Variants in BRF1 observed in about 807,000 individuals in gnomAD.
BRF1 encodes the protein BRF1 general transcription factor IIIB subunit.
In BRF1, 59 loss-of-function variants were observed where a neutral mutation model predicts 81.7. The observed-to-expected ratio is 0.72, with a 90% CI of 0.59 to 0.90. The LOEUF is 0.90. BRF1 is among the 40% of genes least tolerant of loss of function. The pLI is 0.00. For missense variants in BRF1, 1,050 were observed against 936.3 expected (o/e 1.12, Z -1.58); for synonymous variants, 491 against 395.6 (o/e 1.24, Z -2.86).
chr14:105,214,632 G>A (rs587715484), intron 15 of BRF1, among the ~76,000 whole-genome samples: 8 of 151,764 alleles, frequency 5.3e-5, no homozygotes, highest in Admixed American at 2.6e-4. Context: ...GGTGGCCAGA[G>A]GGAGATGGGC....
chr14:105,305,665 C>G (rs2058166000), upstream of BRF1, among the ~76,000 whole-genome samples: 1 of 152,200 alleles, frequency 6.6e-6, no homozygotes, highest in South Asian at 2.1e-4. Flanking sequence ...AAGAATGGAG[C>G]CAGGTTAGAG....
chr14:105,298,456 A>G (rs948518907), intron 1 of BRF1, among the ~76,000 whole-genome samples: 6 of 152,220 alleles, frequency 3.9e-5, no homozygotes, highest in African/African-American at 1.4e-4. Flanking sequence ...CAGCCGAGGG[A>G]GCAAAGGCCT....
chr14:105,303,163 A>G (rs2058088081), upstream of BRF1, among the ~76,000 whole-genome samples: 1 of 152,136 alleles, frequency 6.6e-6, no homozygotes, highest in African/African-American at 2.4e-5. Flanking sequence ...TCCTGACCTC[A>G]AGTGATCCAC....
At chr14:105,303,534 C>T (rs587620908), upstream of BRF1, among the ~76,000 whole-genome samples, 1 of 152,328 alleles carries the variant, frequency 6.6e-6, no homozygotes, top group South Asian at 2.1e-4. Context: ...TGAGCCATCG[C>T]GCCTGGCCTT....
chr14:105,299,101 A>C (rs984085146), intron 1 of BRF1, among the ~76,000 whole-genome samples: 2 of 151,996 alleles, frequency 1.3e-5, no homozygotes, highest in Admixed American at 6.6e-5. Flanking sequence ...TGAGCCTGGG[A>C]GGCAGAGCTT....
At chr14:105,250,179 G>C in intron 5 of BRF1, 1 of 1,612,966 alleles carries the variant, frequency 6.2e-7, no homozygotes, top group Non-Finnish European at 8.5e-7. Flanking sequence ...AACAAGCCCC[G>C]CCTGGACTTT....
chr14:105,286,234 G>T, intron 2 of BRF1, 62 bp downstream of exon 2: 1 of 1,526,780 alleles, frequency 6.5e-7, no homozygotes, highest in Non-Finnish European at 8.9e-7. Context: ...CTCCACCCTA[G>T]CACCACCATC....
intron 2 of BRF1, among the ~76,000 whole-genome samples, chr14:105,278,815 C>T (rs1320124605): frequency 6.6e-6 from 1 of 152,036 alleles, no homozygotes; most frequent in African/African-American, 2.4e-5. Context: ...GAGGCCGAGG[C>T]GGGCAGATCA....
intron 6 of BRF1, 114 bp from the exon 7 acceptor site, chr14:105,229,027 C>G (rs77453682): frequency 3.3e-4 from 312 of 934,622 alleles, no homozygotes; most frequent in Middle Eastern, 5.1e-4. Flanking sequence ...CCTGAGAAGA[C>G]GTGTCTGTGC....
chr14:105,278,641 C>T (rs1266786777), intron 2 of BRF1, among the ~76,000 whole-genome samples: 1 of 151,934 alleles, frequency 6.6e-6, no homozygotes, highest in Non-Finnish European at 1.5e-5. Context: ...TGCAGTGGCT[C>T]ACACCTGTCA....
intron 3 of BRF1, among the ~76,000 whole-genome samples, chr14:105,261,706 G>C (rs2056161228): frequency 6.6e-6 from 1 of 152,230 alleles, no homozygotes; most frequent in Non-Finnish European, 1.5e-5. Context: ...CTTGTATATA[G>C]AGCCCCACAG....
chr14:105,228,880 C>T lies in BRF1; in HGVS notation c.728G>A (p.Arg243Lys), dbSNP rs587707880. 6.8e-6 allele frequency: 11 copies of T among 1,613,854 alleles called. No homozygotes were observed. The East Asian group carries it at 2.0e-4, about 29-fold the overall frequency. The change falls in exon 7 of 18, where the codon AGG (arginine) becomes AAG (lysine). Residue 243 changes from arginine (R) to lysine (K), a missense_variant. By Grantham distance (26) the Arg-to-Lys change is conservative. Transcript: ENST00000547530. ...LLVAARMHDF[R>K]RTVKEVISVV... is the part of the protein sequence containing the mutation. ...ACTGATGACCTCCTTCACAGTCCTC[C>T]TGAAGTCATGCATTCTGGCTGCAAC...
At chr14:105,272,964 A>T in intron 2 of BRF1, 70 bp from the exon 3 acceptor site, 1 of 1,459,978 alleles carries the variant, frequency 6.8e-7, no homozygotes, top group Non-Finnish European at 9.1e-7. Flanking sequence ...ACACGGCCAC[A>T]GCAGCAACTT....
chr14:105,241,125 C>G (rs1047595043), intron 6 of BRF1, 140 bp downstream of exon 6: 2 of 1,384,710 alleles, frequency 1.4e-6, no homozygotes, highest in Non-Finnish European at 1.9e-6. Context: ...GTGGGCCAGG[C>G]CAGAGTCAGC....
intron 12 of BRF1, chr14:105,219,537 G>A (rs1238287922): frequency 1.9e-6 from 1 of 527,218 alleles, no homozygotes; most frequent in Non-Finnish European, 3.3e-6. Flanking sequence ...TTCCCACAAA[G>A]GGGCCAAGTG....
chr14:105,211,297 G>C lies in BRF1; in HGVS notation c.1825-4C>G. The C allele has an allele frequency of 1.3e-6, 2 of 1,588,450 alleles. No individual in the cohort carries two copies. The highest frequency in any genetic ancestry group is 1.7e-6 in the Non-Finnish European group (2 of 1,167,028). On this transcript the variant is annotated splice_region_variant and splice_polypyrimidine_tract_variant and intron_variant, in intron 16 of 17. Transcript: ENST00000547530. ...TGGGAGAGCTTGGGAGCAAAGCCTG[G>C]AACGAAGTGGGGCTCTGACACACAC...
chr14:105,274,300 A>C (rs2056785673), intron 2 of BRF1, among the ~76,000 whole-genome samples: 1 of 152,148 alleles, frequency 6.6e-6, no homozygotes, highest in African/African-American at 2.4e-5. Flanking sequence ...TAATCAATAA[A>C]AACTGAGGGA....
chr14:105,217,847 C>T, intron 14 of BRF1, 47 bp from the exon 15 acceptor site: 1 of 1,593,748 alleles, frequency 6.3e-7, no homozygotes, highest in Non-Finnish European at 8.5e-7. Flanking sequence ...ACGCCCACTG[C>T]ACTCCACCAT....
intron 10 of BRF1, 48 bp downstream of exon 10, chr14:105,226,021 C>T (rs759001848): frequency 6.6e-7 from 1 of 1,515,066 alleles, no homozygotes; most frequent in East Asian, 2.3e-5. Context: ...TGCTGAGACT[C>T]TAGCACATTT....
Sources: allele counts gnomAD v4.1 joint callset (sites outside exome capture counted in the v4.1 genomes callset), GRCh38; gene constraint gnomAD v4.1.1; transcripts MANE v1.5; gene names NCBI Gene and HGNC (gene_info 2026-07-23, HGNC 2026-07-21).